Variants in FBXL20 observed in about 807,000 individuals in gnomAD.
FBXL20 encodes the protein F-box/LRR-repeat protein 20.
FBXL20 carries 11 observed loss-of-function variants against 64.0 expected under a neutral mutation model. The ratio of observed to expected loss-of-function variants is 0.17; its 90% CI spans 0.11 to 0.28. FBXL20 has a LOEUF of 0.28. FBXL20 is among the 10% of genes least tolerant of loss of function. The probability of loss-of-function intolerance (pLI) is 1.00; values close to 1 mark genes in which losing one functional copy is unlikely to be tolerated. For missense variants in FBXL20, 303 were observed against 526.2 expected (o/e 0.58, Z 4.15); for synonymous variants, 184 against 189.0 (o/e 0.97, Z 0.22).
intron 1 of FBXL20, among the ~76,000 whole-genome samples, chr17:39,380,994 T>C (rs1158073844): frequency 6.6e-6 from 1 of 151,920 alleles, no homozygotes; most frequent in East Asian, 1.9e-4. Flanking sequence ...ACCCCGTCTC[T>C]ACTAAAAATA....
intron 1 of FBXL20, among the ~76,000 whole-genome samples, chr17:39,400,101 C>T (rs181336543): frequency 6.6e-6 from 1 of 152,254 alleles, no homozygotes; most frequent in African/African-American, 2.4e-5. Flanking sequence ...ATAATATATT[C>T]CATAACATTT....
intron 6 of FBXL20, among the ~76,000 whole-genome samples, chr17:39,288,790 C>T (rs1234868866): frequency 6.6e-6 from 1 of 151,828 alleles, no homozygotes; most frequent in Non-Finnish European, 1.5e-5. Context: ...ATCACTGCAA[C>T]CTCTGCCTCC....
At chr17:39,341,841 C>T (rs567897121) in intron 2 of FBXL20, among the ~76,000 whole-genome samples, 1 of 152,314 alleles carries the variant, frequency 6.6e-6, no homozygotes, top group East Asian at 1.9e-4. Context: ...CATCGAACTT[C>T]ACTTGTAATG....
chr17:39,383,387 G>T (rs1326671559), intron 1 of FBXL20, among the ~76,000 whole-genome samples: 1 of 151,964 alleles, frequency 6.6e-6, no homozygotes, highest in African/African-American at 2.4e-5. Flanking sequence ...TTGGAAGGCT[G>T]AGGTGGGAAG....
intron 2 of FBXL20, among the ~76,000 whole-genome samples, chr17:39,310,464 T>C (rs1362124983): frequency 6.6e-6 from 1 of 152,134 alleles, no homozygotes; most frequent in African/African-American, 2.4e-5. Flanking sequence ...ATAAAATTAG[T>C]GCATTAAAGC....
At chr17:39,330,942 TAAAA>T (rs2047454440) in intron 2 of FBXL20, among the ~76,000 whole-genome samples, 1 of 152,160 alleles carries the variant, frequency 6.6e-6, no homozygotes, top group Admixed American at 6.6e-5. Context: ...CCTTTAAAAA[TAAAA>T]TCCTAAATTA....
chr17:39,302,567 GT>G (rs1352758187), intron 3 of FBXL20, among the ~76,000 whole-genome samples: 1 of 152,124 alleles, frequency 6.6e-6, no homozygotes, highest in African/African-American at 2.4e-5. Context: ...TAGAGATGGG[GT>G]TTCACTGTGT....
At chr17:39,352,052 T>C (rs763861238) in intron 1 of FBXL20, among the ~76,000 whole-genome samples, 3 of 152,216 alleles carry the variant, frequency 2.0e-5, no homozygotes, top group African/African-American at 4.8e-5. Context: ...TGCACGCGCG[T>C]GCACGCTATT....
chr17:39,360,061 A>G (rs1391590602), intron 1 of FBXL20, among the ~76,000 whole-genome samples: 1 of 152,112 alleles, frequency 6.6e-6, no homozygotes, highest in Non-Finnish European at 1.5e-5. Context: ...AAAAACATAT[A>G]TTACATATTA....
chr17:39,333,218 G>C (rs1231444690), intron 2 of FBXL20, among the ~76,000 whole-genome samples: 3 of 152,114 alleles, frequency 2.0e-5, no homozygotes, highest in African/African-American at 7.2e-5. Context: ...CTGTACTGCC[G>C]CCATCTCGAC....
At chr17:39,280,711 A>C (rs1320737663) in intron 9 of FBXL20, among the ~76,000 whole-genome samples, 1 of 152,184 alleles carries the variant, frequency 6.6e-6, no homozygotes, top group African/African-American at 2.4e-5. Context: ...AACAAGACAA[A>C]ACGCTAAATA....
At chr17:39,345,148 C>G (rs1294086563) in intron 1 of FBXL20, among the ~76,000 whole-genome samples, 1 of 152,094 alleles carries the variant, frequency 6.6e-6, no homozygotes, top group Non-Finnish European at 1.5e-5. Flanking sequence ...TAAGGTCATG[C>G]AATAAACATT....
chr17:39,253,753 T>A lies in FBXL20; in HGVS notation c.*7707A>T, dbSNP rs1030932920. ...ATTATTCTTAAGGGCAGGAAAAAACTAATGTAAACCCAGGAAAGCAGCAGC... is the reference window on the plus strand; with the variant it reads ...ATTATTCTTAAGGGCAGGAAAAAACAAATGTAAACCCAGGAAAGCAGCAGC... On this transcript the variant is annotated 3_prime_UTR_variant, in exon 15 of 15. Transcript: ENST00000264658. 2.6e-5 allele frequency: 4 copies of A among 152,254 alleles called. No individual in the cohort carries two copies. Among genetic ancestry groups the A allele is most frequent in the African/African-American group, 9.7e-5 (4 of 41,432 alleles). The allele number at this position is 152,254 out of a possible 1,614,324, so 9.4% of individuals were successfully genotyped here.
chr17:39,296,914 T>G (rs895531603), intron 6 of FBXL20, among the ~76,000 whole-genome samples: 9 of 152,210 alleles, frequency 5.9e-5, no homozygotes, highest in Admixed American at 5.2e-4. Flanking sequence ...CTACAATTAT[T>G]AAAAGTTTCA....
intron 6 of FBXL20, among the ~76,000 whole-genome samples, chr17:39,285,808 G>GT (rs1160563166): frequency 6.6e-6 from 1 of 152,222 alleles, no homozygotes; most frequent in Non-Finnish European, 1.5e-5. Flanking sequence ...GGAAGATGGT[G>GT]TTTGATTCAC....
rs892766303 is a variant in FBXL20 at position 39,386,034 on chromosome 17, A to AC, written c.42+15326_42+15327insG. On this transcript the variant is annotated intron_variant, in intron 1 of 14. Coordinates refer to ENST00000264658, the MANE Select transcript of FBXL20 (RefSeq NM_032875.3). Reference sequence around the variant, plus strand: ...ACAGAGATTCCGTCTCAAAAAAAAAAAAAAAAAAAAACACCAACTAATCAG... The same window carrying AC: ...ACAGAGATTCCGTCTCAAAAAAAAAACAAAAAAAAAAACACCAACTAATCAG... Among the ~76,000 whole-genome samples, 488 of 149,616 alleles carry AC rather than the reference A, an allele frequency of 3.3e-3. 4 individuals are homozygous for AC. Among genetic ancestry groups the AC allele is most frequent in the African/African-American group, 0.012 (468 of 40,372 alleles).
intron 2 of FBXL20, among the ~76,000 whole-genome samples, chr17:39,322,334 T>G (rs1405171599): frequency 1.3e-5 from 2 of 152,166 alleles, no homozygotes; most frequent in Non-Finnish European, 2.9e-5. Flanking sequence ...TACAATTAAA[T>G]AAATTCTTTA....
intron 1 of FBXL20, among the ~76,000 whole-genome samples, chr17:39,346,843 TCCCCCCA>T (rs1328024717): frequency 1.7e-5 from 2 of 119,948 alleles, no homozygotes; most frequent in African/African-American, 5.2e-5. Context: ...CTCTCCCCCC[TCCCCCCA>T]CCCCACAACA....
upstream of FBXL20, chr17:39,402,402 C>T (rs1023202765): frequency 4.9e-6 from 2 of 406,358 alleles, no homozygotes; most frequent in Non-Finnish European, 8.5e-6. Context: ...CTCGGGAGGG[C>T]GAGGGTGGTT....
Sources: gnomAD v4.1 joint callset for allele counts (sites outside exome capture counted in the v4.1 genomes callset) on GRCh38, gnomAD v4.1.1 for gene constraint, MANE v1.5 for transcripts, NCBI Gene and HGNC (gene_info 2026-07-23, HGNC 2026-07-21) for gene names.